SPON1: variants seen among roughly 807,000 people sequenced by gnomAD.
SPON1 encodes the protein spondin-1.
Under a neutral mutation model 111.7 loss-of-function variants are expected in SPON1, and 52 were observed. That is an observed-to-expected ratio of 0.47 (90% CI 0.37 to 0.59). SPON1 has a LOEUF of 0.59. Ranked by LOEUF, SPON1 falls within the 20% of genes least tolerant of loss-of-function variation. The pLI is 0.00. For missense variants in SPON1, 957 were observed against 1,068.5 expected, an observed-to-expected ratio of 0.90 and a Z score of 1.46; for synonymous variants, 410 against 395.8, an observed-to-expected ratio of 1.04 and a Z score of -0.43.
At chr11:13,972,358 C>T (rs1848070008) in intron 1 of SPON1, among the ~76,000 whole-genome samples, 1 of 152,168 alleles carries the variant, frequency 6.6e-6, no homozygotes, top group South Asian at 2.1e-4. Context: ...GAAAATGGTC[C>T]TTGAACATAA....
chr11:14,083,015 G>A (rs1369452403), intron 5 of SPON1, among the ~76,000 whole-genome samples: 1 of 152,084 alleles, frequency 6.6e-6, no homozygotes, highest in Non-Finnish European at 1.5e-5. Context: ...GTTTATATGG[G>A]TTATAGCCAT....
intron 6 of SPON1, among the ~76,000 whole-genome samples, chr11:14,160,907 A>ATATATATTTATATATT (rs1564919706): frequency 3.2e-5 from 1 of 31,708 alleles, no homozygotes; most frequent in Non-Finnish European, 5.0e-5. Flanking sequence ...TTATATATTT[A>ATATATATTTATATATT]TATATATATT....
chr11:14,080,754 C>A (rs1040054291), intron 5 of SPON1, among the ~76,000 whole-genome samples: 4 of 152,112 alleles, frequency 2.6e-5, no homozygotes, highest in Non-Finnish European at 4.4e-5. Flanking sequence ...AGTCAGCATG[C>A]CTTTTTTTTA....
At chr11:14,005,264 G>C (rs1848350363) in intron 2 of SPON1, among the ~76,000 whole-genome samples, 1 of 152,192 alleles carries the variant, frequency 6.6e-6, no homozygotes, top group South Asian at 2.1e-4. Context: ...ATGGTTGGCA[G>C]CACCCCTGGC....
chr11:14,121,843 T>A (rs932916095), intron 5 of SPON1, among the ~76,000 whole-genome samples: 1 of 152,036 alleles, frequency 6.6e-6, no homozygotes, highest in Admixed American at 6.5e-5. Context: ...ATTTTTACCC[T>A]CATTTTTGAA....
At chr11:14,244,151 C>G (rs1386412669) in intron 7 of SPON1, among the ~76,000 whole-genome samples, 1 of 152,160 alleles carries the variant, frequency 6.6e-6, no homozygotes, top group Non-Finnish European at 1.5e-5. Context: ...TCACCTGGAC[C>G]ACGTCACCTT....
intron 6 of SPON1, among the ~76,000 whole-genome samples, chr11:14,234,304 T>C (rs1391770589): frequency 6.6e-6 from 1 of 152,150 alleles, no homozygotes; most frequent in Non-Finnish European, 1.5e-5. Context: ...CCTTTTCCCT[T>C]CTTTGCTCTG....
intron 7 of SPON1, among the ~76,000 whole-genome samples, chr11:14,251,094 A>G (rs1849048368): frequency 6.6e-6 from 1 of 152,182 alleles, no homozygotes; most frequent in Non-Finnish European, 1.5e-5. Context: ...GGGGAGGTAG[A>G]ATAGGAGTTC....
At chr11:14,109,243 C>T (rs1464353749) in intron 5 of SPON1, among the ~76,000 whole-genome samples, 4 of 152,048 alleles carry the variant, frequency 2.6e-5, no homozygotes, top group African/African-American at 7.2e-5. Flanking sequence ...CCTAAGAAGC[C>T]GGGACTACAG....
intron 6 of SPON1, among the ~76,000 whole-genome samples, chr11:14,226,984 G>T (rs1301490853): frequency 6.6e-6 from 1 of 152,050 alleles, no homozygotes; most frequent in African/African-American, 2.4e-5. Context: ...GTCTTGTAAA[G>T]ACACTTATAT....
chr11:14,256,818 ATTTC>A, intron 10 of SPON1, 126 bp downstream of exon 10: 1 of 715,966 alleles, frequency 1.4e-6, no homozygotes, highest in Non-Finnish European at 2.3e-6. Flanking sequence ...ATCTCTGAGG[ATTTC>A]TCCTCAAGAA....
chr11:14,255,738 G>C lies in SPON1; in HGVS notation c.1184G>C (p.Gly395Ala). 2 of 1,613,816 alleles carry C rather than the reference G, an allele frequency of 1.2e-6. No individual in the cohort carries two copies. Among genetic ancestry groups the C allele is most frequent in the Non-Finnish European group, 1.7e-6 (2 of 1,179,874 alleles). ...AGTCCTTTCTATGACCCAGAGGGTG[G>C]GTCCATCACTCAAGTAGCCAGAGTT... ...PQSPFYDPEG[G>A]SITQVARVVI... The change falls in exon 9 of 16, where the codon GGG becomes GCG. Residue 395 changes from glycine to alanine, a missense_variant. By Grantham distance (60) the Gly-to-Ala change is moderately conservative (BLOSUM62 0). This residue lies in a region of SPON1 where 549 missense variants were observed against 606.2 expected (regional missense o/e 0.91). Coordinates refer to ENST00000576479, the MANE Select transcript of SPON1 (RefSeq NM_006108.4).
chr11:14,014,185 G>A (rs782710665), intron 2 of SPON1, among the ~76,000 whole-genome samples: 14 of 152,260 alleles, frequency 9.2e-5, no homozygotes, highest in African/African-American at 2.2e-4. Context: ...CGTGGACAAG[G>A]TGGGTGCAGC....
intron 6 of SPON1, among the ~76,000 whole-genome samples, chr11:14,214,762 A>G (rs781824124): frequency 3.9e-5 from 6 of 152,188 alleles, no homozygotes; most frequent in Non-Finnish European, 8.8e-5. Context: ...ACCATTTTCA[A>G]CTGGCAAATT....
At chr11:14,192,436 T>C (rs1236991776) in intron 6 of SPON1, among the ~76,000 whole-genome samples, 2 of 152,170 alleles carry the variant, frequency 1.3e-5, no homozygotes, top group Non-Finnish European at 2.9e-5. Flanking sequence ...GAATTTATTA[T>C]GCATAAAAGT....
In SPON1 at chr11:14,049,097, A is replaced by G. The variant is rs549474479; in HGVS notation, c.479+7443A>G. Among the ~76,000 whole-genome samples the G allele has an allele frequency of 3.2e-4, 48 of 152,308 alleles. No homozygotes were observed. In the South Asian group the frequency reaches 4.8e-3, roughly 15 times the overall value. On this transcript the variant is annotated intron_variant, in intron 3 of 15. Transcript: ENST00000576479. ...AAGCTGAGGCACAGAGAGGTTCAGT[A>G]ATGTTCCCAAGGTCACAGAGTAAGT...
intron 1 of SPON1, among the ~76,000 whole-genome samples, chr11:13,980,554 T>C (rs1848136293): frequency 6.6e-6 from 1 of 152,176 alleles, no homozygotes; most frequent in South Asian, 2.1e-4. Context: ...TTTATTATTA[T>C]TATTATATTT....
intron 6 of SPON1, among the ~76,000 whole-genome samples, chr11:14,225,996 C>T (rs1848735121): frequency 6.6e-6 from 1 of 152,194 alleles, no homozygotes. Flanking sequence ...TTACAATCTT[C>T]AATTTGGATT....
chr11:14,186,168 T>C (rs1848283548), intron 6 of SPON1, among the ~76,000 whole-genome samples: 1 of 152,224 alleles, frequency 6.6e-6, no homozygotes. Context: ...ATGTGACAAG[T>C]TAAACAGGCA....
Sources: gnomAD v4.1 joint callset for allele counts (sites outside exome capture counted in the v4.1 genomes callset) on GRCh38, gnomAD v4.1.1 for gene constraint, gnomAD v4.1.1 regional missense constraint, MANE v1.5 for transcripts, NCBI Gene and HGNC (gene_info 2026-07-23, HGNC 2026-07-21) for gene names.